Variants in DSG3 observed in about 807,000 individuals in gnomAD.
DSG3 encodes the protein desmoglein-3.
DSG3 carries 63 observed loss-of-function variants against 85.9 expected under a neutral mutation model. The observed-to-expected ratio is 0.73, with a 90% CI of 0.60 to 0.90. The LOEUF is 0.90. Among genes scored for constraint, DSG3 ranks in the 40% least tolerant of loss-of-function variants. The pLI is 0.00. For synonymous variants in DSG3, 447 were observed against 441.9 expected, an observed-to-expected ratio of 1.01 and a Z score of -0.14; for missense variants, 1,220 against 1,219.9, an observed-to-expected ratio of 1.00 and a Z score of 0.00.
rs1310795514 is a variant in DSG3 at position 31,477,025 on chromosome 18, A to G, written c.*765A>G. 2 of 151,616 alleles carry G rather than the reference A, an allele frequency of 1.3e-5. No individual in the cohort carries two copies. Among genetic ancestry groups the G allele is most frequent in the Non-Finnish European group, 2.9e-5 (2 of 67,964 alleles). The allele number at this position is 151,616 out of a possible 1,614,324, so 9.4% of individuals were successfully genotyped here. On this transcript the variant is annotated 3_prime_UTR_variant, in exon 16 of 16. Coordinates refer to ENST00000257189, the MANE Select transcript of DSG3 (RefSeq NM_001944.3). ...TGCTAAAGCATTTTGAGCTGCTTGGAAAAAGGGAAGTAGTTGCAGTAGAGT... is the reference window on the plus strand; with the variant it reads ...TGCTAAAGCATTTTGAGCTGCTTGGGAAAAGGGAAGTAGTTGCAGTAGAGT...
At chr18:31,456,906 G>A in intron 2 of DSG3, 87 bp from the exon 3 acceptor site, 9 of 1,353,482 alleles carry the variant, frequency 6.6e-6, no homozygotes, top group Non-Finnish European at 9.1e-6. Flanking sequence ...AAACATAGGG[G>A]GTTCCTCAAC....
chr18:31,466,284 G>A (rs780826310), intron 10 of DSG3, among the ~76,000 whole-genome samples: 22 of 152,088 alleles, frequency 1.4e-4, no homozygotes, highest in Non-Finnish European at 2.6e-4. Flanking sequence ...TACTGGTCTT[G>A]GGTTCGAGCA....
At position 31,464,401 on chromosome 18, in the gene DSG3, A is replaced by T. The variant is rs749418117; in HGVS notation, c.1271+19A>T. On this transcript the variant is annotated intron_variant, in intron 9 of 15. Coordinates refer to ENST00000257189, the MANE Select transcript of DSG3 (RefSeq NM_001944.3). ...ATGTCAAGTAAGACTATTTTTATTT[A>T]TATCCTATTTCTTGATGAGGTTTTA... is the stretch of plus-strand genomic sequence containing the variant. 12 of 1,591,330 alleles carry T rather than the reference A, an allele frequency of 7.5e-6. No individual in the cohort carries two copies. Among genetic ancestry groups the T allele is most frequent in the Non-Finnish European group, 1.0e-5 (12 of 1,168,584 alleles).
At chr18:31,456,224 A>G (rs1382041501) in intron 1 of DSG3, among the ~76,000 whole-genome samples, 2 of 152,224 alleles carry the variant, frequency 1.3e-5, no homozygotes, top group Non-Finnish European at 2.9e-5. Flanking sequence ...TCTGTAGTCA[A>G]TTAAAAAACT....
Position 31,466,715 on chromosome 18 carries a change from GT to G in DSG3, c.1598del (p.Val533GlufsTer50). ...TACATTTGCACTGGAAGATCAACCT[GT>G]AAAGTTGCCTGCCGTATGGAGTATC... ...PYTFALEDQPVKLPAVWSITT... is the reference protein window; with the variant it reads ...PYTFALEDQPXKLPAVWSITT... On this transcript the variant is annotated frameshift_variant, in exon 11 of 16. Transcript: ENST00000257189. LOFTEE classifies it high-confidence loss of function. 3 of 1,614,190 alleles carry G rather than the reference GT, an allele frequency of 1.9e-6. No individual in the cohort carries two copies. The highest frequency in any genetic ancestry group is 2.5e-6 in the Non-Finnish European group (3 of 1,180,024).
In DSG3 at chr18:31,447,840, G is replaced by A. The variant is rs1455893540; in HGVS notation, c.-38G>A. ...AGACGGCTGGCAGGATAGAAGCAGC[G>A]GCTCACTTGGACTTTTTCACCAGGG... On this transcript the variant is annotated 5_prime_UTR_variant, in exon 1 of 16. Transcript: ENST00000257189. 4 of 1,557,414 alleles carry A rather than the reference G, an allele frequency of 2.6e-6. No homozygotes were observed. The highest frequency in any genetic ancestry group is 2.6e-6 in the Non-Finnish European group (3 of 1,151,024).
intron 12 of DSG3, among the ~76,000 whole-genome samples, chr18:31,471,979 A>G (rs1189158749): frequency 6.6e-6 from 1 of 152,184 alleles, no homozygotes; most frequent in Non-Finnish European, 1.5e-5. Flanking sequence ...TGTATTAAGG[A>G]AAAGGATTGA....
intron 1 of DSG3, among the ~76,000 whole-genome samples, chr18:31,452,813 C>T (rs906006991): frequency 3.9e-5 from 6 of 152,064 alleles, no homozygotes; most frequent in African/African-American, 1.4e-4. Flanking sequence ...ATTCAGAATC[C>T]AGTATCCAAT....
In DSG3 at chr18:31,461,331, CT is replaced by C; in HGVS notation, c.921del (p.Phe307LeufsTer23). 6.2e-7 allele frequency: 1 copy of C among 1,613,608 alleles called. No homozygotes were observed. Among genetic ancestry groups the C allele is most frequent in the East Asian group, 2.2e-5 (1 of 44,786 alleles). On this transcript the variant is annotated frameshift_variant, in exon 8 of 16. Transcript: ENST00000257189. LOFTEE classifies it high-confidence loss of function. ...CAGATAATTGGCTTGCAGTATATTT[CT>C]TTACCTCTGGGAATGAAGGAAATTG... is the stretch of plus-strand genomic sequence containing the variant. ...YTDNWLAVYF[F>X]TSGNEGNWFE...
intron 14 of DSG3, among the ~76,000 whole-genome samples, chr18:31,473,381 G>A (rs957302050): frequency 3.3e-5 from 5 of 152,264 alleles, no homozygotes; most frequent in Non-Finnish European, 7.4e-5. Flanking sequence ...AGTGGCTATT[G>A]CATTAATATT....
intron 9 of DSG3, among the ~76,000 whole-genome samples, chr18:31,464,999 G>T (rs1027112357): frequency 4.0e-5 from 6 of 151,876 alleles, no homozygotes; most frequent in African/African-American, 1.5e-4. Flanking sequence ...AGCCGTGGTG[G>T]TGCACACCTG....
chr18:31,451,928 T>C (rs1198563395), intron 1 of DSG3, among the ~76,000 whole-genome samples: 2 of 152,192 alleles, frequency 1.3e-5, no homozygotes, highest in African/African-American at 4.8e-5. Flanking sequence ...TAGTTCACCA[T>C]AAGAAAATTA....
At chr18:31,449,677 T>C (rs1220840381) in intron 1 of DSG3, among the ~76,000 whole-genome samples, 1 of 152,230 alleles carries the variant, frequency 6.6e-6, no homozygotes, top group Non-Finnish European at 1.5e-5. Flanking sequence ...CCCCGCACAA[T>C]GTCCCTATAA....
At position 31,466,490 on chromosome 18, in the gene DSG3, T is replaced by C. The variant is rs1286145732; in HGVS notation, c.1412-40T>C. 4 of 1,569,798 alleles carry C rather than the reference T, an allele frequency of 2.5e-6. No individual in the cohort carries two copies. The South Asian group carries it at 4.4e-5, about 17-fold the overall frequency. ...GATTCTCCTTTTTTGTACAACTTTGTTCTATACATTTCTTTAACTCTAAAA... is the reference window on the plus strand; with the variant it reads ...GATTCTCCTTTTTTGTACAACTTTGCTCTATACATTTCTTTAACTCTAAAA... On this transcript the variant is annotated intron_variant, in intron 10 of 15. Transcript: ENST00000257189.
At chr18:31,455,627 A>G (rs2072737777) in intron 1 of DSG3, among the ~76,000 whole-genome samples, 1 of 152,194 alleles carries the variant, frequency 6.6e-6, no homozygotes, top group Non-Finnish European at 1.5e-5. Context: ...AAGGATGAGC[A>G]ATATTTAAGT....
chr18:31,457,223 G>A, intron 3 of DSG3, 99 bp downstream of exon 3: 1 of 1,228,392 alleles, frequency 8.1e-7, no homozygotes, highest in Non-Finnish European at 1.1e-6. Flanking sequence ...TGAAGACTGG[G>A]GAGTCCACAG....
At chr18:31,458,789 T>C (rs1169079491) in intron 4 of DSG3, among the ~76,000 whole-genome samples, 189 bp downstream of exon 4, 2 of 152,114 alleles carry the variant, frequency 1.3e-5, no homozygotes, top group Admixed American at 6.5e-5. Flanking sequence ...TGAGTGAGGG[T>C]TGAAATCTAG....
Position 31,475,711 on chromosome 18 carries a change from T to C in DSG3, c.2451T>C (p.Asp817=), listed in dbSNP as rs2072882099. The C allele has an allele frequency of 6.2e-7, 1 of 1,614,198 alleles. No individual in the cohort carries two copies. The highest frequency in any genetic ancestry group is 8.5e-7 in the Non-Finnish European group (1 of 1,180,034). ...QEANDCLLIY[D]NEGADATGSP... is the part of the protein sequence containing the mutation. ...CAAATGACTGCTTGTTGATCTATGA[T>C]AATGAAGGCGCAGATGCCACTGGTT... Residue 817 remains aspartate, a synonymous_variant, in exon 16 of 16, where the codon GAT becomes GAC. Coordinates refer to ENST00000257189, the MANE Select transcript of DSG3 (RefSeq NM_001944.3).
intron 11 of DSG3, among the ~76,000 whole-genome samples, chr18:31,466,981 G>A (rs1008259681): frequency 2.0e-5 from 3 of 152,074 alleles, no homozygotes; most frequent in East Asian, 1.9e-4. Context: ...TTTAGGGTTC[G>A]TTTGATATTT....
Sources: gnomAD v4.1 joint callset for allele counts (sites outside exome capture counted in the v4.1 genomes callset) on GRCh38, gnomAD v4.1.1 for gene constraint, MANE v1.5 for transcripts, NCBI Gene and HGNC (gene_info 2026-07-23, HGNC 2026-07-21) for gene names.